SYT16: variants seen among roughly 807,000 people sequenced by gnomAD.
SYT16 encodes the protein synaptotagmin-16.
SYT16 carries 42 observed loss-of-function variants against 61.4 expected under a neutral mutation model. That is an observed-to-expected ratio of 0.68 (90% CI 0.53 to 0.89). SYT16 has a LOEUF of 0.89. Ranked by LOEUF, SYT16 falls within the 40% of genes least tolerant of loss-of-function variation. SYT16 has a pLI of 0.00. For synonymous variants in SYT16, 314 were observed against 302.3 expected, an observed-to-expected ratio of 1.04 and a Z score of -0.40; for missense variants, 804 against 807.3, an observed-to-expected ratio of 1.00 and a Z score of 0.05.
intron 1 of SYT16, among the ~76,000 whole-genome samples, chr14:61,894,099 C>G (rs920667547): frequency 1.3e-5 from 2 of 152,122 alleles, no homozygotes; most frequent in Non-Finnish European, 2.9e-5. Flanking sequence ...GCCTGACCAA[C>G]ATGGTAAAAC....
intron 1 of SYT16, among the ~76,000 whole-genome samples, chr14:61,954,587 G>A (rs1473637701): frequency 6.6e-6 from 1 of 152,166 alleles, no homozygotes; most frequent in East Asian, 1.9e-4. Flanking sequence ...TTACTCTGCA[G>A]ATGGCACTTA....
At chr14:62,025,023 T>C (rs556674555) in intron 3 of SYT16, among the ~76,000 whole-genome samples, 1 of 152,254 alleles carries the variant, frequency 6.6e-6, no homozygotes, top group South Asian at 2.1e-4. Flanking sequence ...AGTTTATGTA[T>C]CCATTCACCT....
At chr14:61,917,971 G>A (rs1292174283) in intron 1 of SYT16, among the ~76,000 whole-genome samples, 2 of 152,150 alleles carry the variant, frequency 1.3e-5, no homozygotes, top group African/African-American at 2.4e-5. Flanking sequence ...TGAAGTTTGT[G>A]TATATAGAAT....
chr14:61,824,348 AT>A lies in SYT16; in HGVS notation c.-325+11542del, dbSNP rs201262570. Among the ~76,000 whole-genome samples the A allele has an allele frequency of 4.3e-3, 653 of 151,954 alleles. 3 individuals carry two copies. Among genetic ancestry groups the A allele is most frequent in the African/African-American group, 0.015 (614 of 41,480 alleles). On this transcript the variant is annotated intron_variant, in intron 1 of 7. Coordinates refer to ENST00000683842, the MANE Select transcript of SYT16 (RefSeq NM_001367656.1). The stretch of plus-strand genomic sequence containing the variant: ...ATGGCTTATATATAATAAGCATTTT[AT>A]TTTATTTATTTATTTATTTTTGAGA...
chr14:61,949,276 A>G (rs1355836357), intron 1 of SYT16, among the ~76,000 whole-genome samples: 1 of 152,204 alleles, frequency 6.6e-6, no homozygotes, highest in African/African-American at 2.4e-5. Flanking sequence ...CACCCTGGTT[A>G]TAGAGTTAGT....
intron 1 of SYT16, among the ~76,000 whole-genome samples, chr14:61,860,260 T>A (rs1191472792): frequency 6.6e-6 from 1 of 152,214 alleles, no homozygotes; most frequent in Non-Finnish European, 1.5e-5. Context: ...TGTATTTGTT[T>A]GGGTGTGATT....
intron 2 of SYT16, among the ~76,000 whole-genome samples, chr14:61,989,973 C>T (rs935021701): frequency 6.6e-6 from 1 of 152,132 alleles, no homozygotes; most frequent in African/African-American, 2.4e-5. Context: ...AGAAAGAGTC[C>T]TGAGTAGTCC....
intron 3 of SYT16, among the ~76,000 whole-genome samples, chr14:62,003,870 CA>C (rs1278087502): frequency 6.6e-6 from 1 of 152,072 alleles, no homozygotes; most frequent in Non-Finnish European, 1.5e-5. Context: ...CAGAGGTGAT[CA>C]GATAAAGTTC....
intron 1 of SYT16, among the ~76,000 whole-genome samples, chr14:61,912,917 G>T (rs2048987139): frequency 6.6e-6 from 1 of 152,154 alleles, no homozygotes; most frequent in African/African-American, 2.4e-5. Flanking sequence ...AGGCATTCAA[G>T]AATGAATGAA....
intron 1 of SYT16, among the ~76,000 whole-genome samples, chr14:61,932,587 A>T (rs2049817352): frequency 6.6e-6 from 1 of 152,138 alleles, no homozygotes; most frequent in Admixed American, 6.5e-5. Context: ...TCCATGATCA[A>T]ATCACTTCCT....
intron 3 of SYT16, among the ~76,000 whole-genome samples, chr14:62,039,887 A>G (rs1490186785): frequency 2.0e-5 from 3 of 147,092 alleles, no homozygotes; most frequent in Non-Finnish European, 3.0e-5. Context: ...ACGCACATAC[A>G]CACTAGATTT....
chr14:61,845,391 C>T (rs961969372), intron 1 of SYT16, among the ~76,000 whole-genome samples: 1 of 152,086 alleles, frequency 6.6e-6, no homozygotes, highest in Non-Finnish European at 1.5e-5. Context: ...CTTGTCTGTT[C>T]AGGTTTTGGA....
intron 3 of SYT16, among the ~76,000 whole-genome samples, chr14:62,006,213 T>C (rs768925810): frequency 2.0e-5 from 3 of 152,140 alleles, no homozygotes; most frequent in Non-Finnish European, 4.4e-5. Context: ...TTTTTGATTT[T>C]ACTGATGGGT....
chr14:62,074,243 TGA>T (rs1350007854), intron 4 of SYT16, among the ~76,000 whole-genome samples: 18 of 152,064 alleles, frequency 1.2e-4, no homozygotes, highest in African/African-American at 4.1e-4. Flanking sequence ...TGAGGGGTGC[TGA>T]GAGAGAAAAG....
At chr14:62,085,405 A>G (rs529485318) in intron 7 of SYT16, among the ~76,000 whole-genome samples, 1 of 152,328 alleles carries the variant, frequency 6.6e-6, no homozygotes, top group African/African-American at 2.4e-5. Flanking sequence ...AAGGTAAACT[A>G]GAAGGGAGTA....
At chr14:62,040,373 A>G (rs1349906036) in intron 3 of SYT16, among the ~76,000 whole-genome samples, 2 of 152,202 alleles carry the variant, frequency 1.3e-5, no homozygotes, top group African/African-American at 4.8e-5. Context: ...CATACATACA[A>G]TTGGGACATT....
intron 7 of SYT16, among the ~76,000 whole-genome samples, chr14:62,087,936 C>A (rs904025863): frequency 6.6e-6 from 1 of 152,130 alleles, no homozygotes; most frequent in Non-Finnish European, 1.5e-5. Flanking sequence ...CCAGAGCCTC[C>A]ACTGCACAGC....
chr14:61,998,024 C>T (rs2052838594), intron 3 of SYT16, among the ~76,000 whole-genome samples: 1 of 151,804 alleles, frequency 6.6e-6, no homozygotes, highest in South Asian at 2.1e-4. Flanking sequence ...GGAACAGCAA[C>T]AAGGAAAGCT....
At chr14:61,982,712 C>G (rs928737718) in intron 2 of SYT16, among the ~76,000 whole-genome samples, 1 of 152,120 alleles carries the variant, frequency 6.6e-6, no homozygotes, top group Non-Finnish European at 1.5e-5. Flanking sequence ...TCTCCCCCTA[C>G]TTTATGGGAA....
Sources: gnomAD v4.1 joint callset for allele counts (sites outside exome capture counted in the v4.1 genomes callset) on GRCh38, gnomAD v4.1.1 for gene constraint, MANE v1.5 for transcripts, NCBI Gene and HGNC (gene_info 2026-07-23, HGNC 2026-07-21) for gene names.